The following KIAA0753 variants were observed in gnomAD, a reference collection of about 807,000 sequenced individuals.
The protein encoded by KIAA0753 is protein moonraker.
In KIAA0753, 114 loss-of-function variants were observed where a neutral mutation model predicts 116.9. That is an observed-to-expected ratio of 0.98 (90% CI 0.84 to 1.14). The LOEUF is 1.14. Ranked by LOEUF, KIAA0753 falls within the 50% of genes most tolerant of loss-of-function variation. The pLI, the probability that KIAA0753 is intolerant of heterozygous loss-of-function variation, is 0.00. For missense variants in KIAA0753, 1,156 were observed against 1,172.4 expected, an observed-to-expected ratio of 0.99 and a Z score of 0.20; for synonymous variants, 405 against 413.1, an observed-to-expected ratio of 0.98 and a Z score of 0.24.
At chr17:6,621,255 T>C (rs1971305301) in intron 6 of KIAA0753, among the ~76,000 whole-genome samples, 2 of 152,224 alleles carry the variant, frequency 1.3e-5, no homozygotes, top group South Asian at 4.1e-4. Flanking sequence ...TTTAAAGGCA[T>C]TCAAATCTTA....
At chr17:6,592,353 CT>C (rs1969133376) in intron 16 of KIAA0753, among the ~76,000 whole-genome samples, 1 of 152,158 alleles carries the variant, frequency 6.6e-6, no homozygotes, top group Non-Finnish European at 1.5e-5. Flanking sequence ...CCCCCATTTC[CT>C]TTTGTCTTCA....
At chr17:6,614,507 T>TA (rs1970751386) in intron 7 of KIAA0753, among the ~76,000 whole-genome samples, 1 of 147,204 alleles carries the variant, frequency 6.8e-6, no homozygotes, top group Admixed American at 6.8e-5. Flanking sequence ...CAAGCATAAG[T>TA]GGGGGGGGGT....
At chr17:6,633,631 G>A (rs1307193591) in intron 2 of KIAA0753, among the ~76,000 whole-genome samples, 1 of 152,210 alleles carries the variant, frequency 6.6e-6, no homozygotes, top group African/African-American at 2.4e-5. Flanking sequence ...ATTGGAAGCA[G>A]CCCAGGTGTC....
intron 2 of KIAA0753, among the ~76,000 whole-genome samples, chr17:6,634,386 G>T (rs935505980): frequency 2.0e-5 from 3 of 152,170 alleles, no homozygotes; most frequent in African/African-American, 7.2e-5. Context: ...TTACAGGCGT[G>T]AGCCACCGCA....
In KIAA0753 at chr17:6,579,836, G is replaced by C. The variant is rs1284183779; in HGVS notation, c.2815C>G (p.Leu939Val). The change falls in exon 19 of 19, where the codon CTG (leucine) becomes GTG (valine). Residue 939 changes from leucine to valine, a missense_variant. Transcript: ENST00000361413. ...TGAAGTTCAGCAGCCACAGCACCCA[G>C]AGCTTCATCTACCAGCTCTTCTGAA... Reference protein sequence around the residue: ...SFSEELVDEALGAVAAELQDM... With the variant: ...SFSEELVDEAVGAVAAELQDM... 3.1e-6 allele frequency: 5 copies of C among 1,613,668 alleles called. No individual in the cohort carries two copies. The highest frequency in any genetic ancestry group is 2.7e-5 in the African/African-American group (2 of 74,894).
At chr17:6,621,166 T>A (rs1004462921) in intron 6 of KIAA0753, among the ~76,000 whole-genome samples, 168 bp from the exon 7 acceptor site, 8 of 152,240 alleles carry the variant, frequency 5.3e-5, no homozygotes, top group African/African-American at 1.7e-4. Flanking sequence ...ATCTAATTAA[T>A]TAGTAACAAT....
chr17:6,608,307 G>T, intron 10 of KIAA0753, 41 bp downstream of exon 10: 1 of 933,624 alleles, frequency 1.1e-6, no homozygotes, highest in Non-Finnish European at 1.5e-6. Flanking sequence ...TGTAAAAGGA[G>T]CTCTTTAATT....
At chr17:6,582,143 T>C (rs571359612) in intron 18 of KIAA0753, among the ~76,000 whole-genome samples, 2 of 152,308 alleles carry the variant, frequency 1.3e-5, no homozygotes, top group East Asian at 1.9e-4. Flanking sequence ...TTATTCACAA[T>C]GTACTTACTT....
chr17:6,623,646 A>G (rs763772086), intron 4 of KIAA0753, 75 bp from the exon 5 acceptor site: 164 of 1,541,480 alleles, frequency 1.1e-4, no homozygotes, highest in Non-Finnish European at 1.4e-4. Flanking sequence ...ATGCATCGAT[A>G]TATCTCCTCT....
chr17:6,634,013 A>G (rs1037264355), intron 2 of KIAA0753, among the ~76,000 whole-genome samples: 2 of 152,082 alleles, frequency 1.3e-5, no homozygotes, highest in Non-Finnish European at 2.9e-5. Flanking sequence ...GAAAAGATGT[A>G]CACATTGCAA....
chr17:6,631,095 T>G (rs76463037), intron 2 of KIAA0753, among the ~76,000 whole-genome samples: 1 of 150,408 alleles, frequency 6.6e-6, no homozygotes, highest in Non-Finnish European at 1.5e-5. Flanking sequence ...AAGAAAGAAA[T>G]GAATGAATGA....
chr17:6,617,131 C>G (rs748117066), intron 7 of KIAA0753, among the ~76,000 whole-genome samples: 2 of 152,190 alleles, frequency 1.3e-5, no homozygotes, highest in Non-Finnish European at 2.9e-5. Flanking sequence ...AAAATGAGCT[C>G]CCTAGCACCC....
intron 3 of KIAA0753, 97 bp from the exon 4 acceptor site, chr17:6,624,958 A>T (rs999804679): frequency 3.6e-6 from 3 of 822,898 alleles, no homozygotes; most frequent in Admixed American, 2.6e-5. Flanking sequence ...AAAGTTGAAG[A>T]TCTCTGGTTT....
chr17:6,602,054 A>T (rs542794221), intron 12 of KIAA0753, among the ~76,000 whole-genome samples: 9 of 152,354 alleles, frequency 5.9e-5, no homozygotes, highest in Admixed American at 2.6e-4. Flanking sequence ...GGAAACACAA[A>T]TTAATACCAC....
intron 12 of KIAA0753, among the ~76,000 whole-genome samples, chr17:6,603,107 T>TA: frequency 6.6e-6 from 1 of 152,168 alleles, no homozygotes; most frequent in South Asian, 2.1e-4. Context: ...GGTTAAATGT[T>TA]AAAGTTGGAG....
At chr17:6,586,562 C>T (rs1233811868) in intron 18 of KIAA0753, among the ~76,000 whole-genome samples, 2 of 152,132 alleles carry the variant, frequency 1.3e-5, no homozygotes, top group Non-Finnish European at 2.9e-5. Context: ...GTGTTTTATT[C>T]ATTCTTGTAG....
intron 18 of KIAA0753, among the ~76,000 whole-genome samples, chr17:6,587,753 A>G (rs1182543317): frequency 6.6e-6 from 1 of 152,248 alleles, no homozygotes; most frequent in Non-Finnish European, 1.5e-5. Flanking sequence ...TTCAGGGTCA[A>G]CCTGAGGGCC....
At chr17:6,597,600 A>T (rs897278528) in intron 14 of KIAA0753, among the ~76,000 whole-genome samples, 10 of 152,234 alleles carry the variant, frequency 6.6e-5, no homozygotes, top group African/African-American at 2.4e-4. Flanking sequence ...ATAACTTTTA[A>T]TTCTAAAAGA....
intron 18 of KIAA0753, among the ~76,000 whole-genome samples, chr17:6,588,894 A>G (rs1968780015): frequency 6.6e-6 from 1 of 152,184 alleles, no homozygotes; most frequent in Non-Finnish European, 1.5e-5. Flanking sequence ...ACATAAAGAA[A>G]GGAGGAGAAG....
Sources: gnomAD v4.1 joint callset for allele counts (sites outside exome capture counted in the v4.1 genomes callset) on GRCh38, gnomAD v4.1.1 for gene constraint, MANE v1.5 for transcripts, NCBI Gene and HGNC (gene_info 2026-07-23, HGNC 2026-07-21) for gene names.